The following RNF111 variants were observed in gnomAD, a reference collection of about 807,000 sequenced individuals.
The protein encoded by RNF111 is ring finger protein 111.
In RNF111, 17 loss-of-function variants were observed where a neutral mutation model predicts 95.1. That is an observed-to-expected ratio of 0.18 (90% CI 0.12 to 0.27). RNF111 has a LOEUF of 0.27. Among genes scored for constraint, RNF111 ranks in the 10% least tolerant of loss-of-function variants. The probability of loss-of-function intolerance (pLI) is 1.00; values close to 1 mark genes in which losing one functional copy is unlikely to be tolerated. For synonymous variants in RNF111, 440 were observed against 414.8 expected, an observed-to-expected ratio of 1.06 and a Z score of -0.74; for missense variants, 1,189 against 1,210.4, an observed-to-expected ratio of 0.98 and a Z score of 0.26.
chr15:59,031,012 T>C lies in RNF111; in HGVS notation c.190T>C (p.Phe64Leu). 3 of 1,614,210 alleles carry C rather than the reference T, an allele frequency of 1.9e-6. No homozygotes were observed. The highest frequency in any genetic ancestry group is 1.1e-5 in the South Asian group (1 of 91,082). ...GATTAATAGTAAAGTGGGGAATGAATTCTCTCACCTGTGTGATGATTCTCA... is the reference window on the plus strand; with the variant it reads ...GATTAATAGTAAAGTGGGGAATGAACTCTCTCACCTGTGTGATGATTCTCA... Reference protein sequence around the residue: ...EMINSKVGNEFSHLCDDSQKQ... With the variant: ...EMINSKVGNELSHLCDDSQKQ... The change falls in exon 2 of 14, where the codon TTC becomes CTC. Residue 64 changes from phenylalanine to leucine, a missense_variant. This residue lies in a region of RNF111 where 1,024 missense variants were observed against 925.9 expected (regional missense o/e 1.11). Transcript: ENST00000348370.
At chr15:59,037,628 G>A (rs1320751297) in intron 2 of RNF111, among the ~76,000 whole-genome samples, 1 of 152,156 alleles carries the variant, frequency 6.6e-6, no homozygotes, top group African/African-American at 2.4e-5. Context: ...CCTGAGGTCT[G>A]GAGTTCGAGA....
At chr15:59,007,351 T>G (rs763430918) in intron 1 of RNF111, among the ~76,000 whole-genome samples, 3 of 152,136 alleles carry the variant, frequency 2.0e-5, no homozygotes, top group Non-Finnish European at 4.4e-5. Context: ...TTGTGTCTAG[T>G]TTTCCCTTAG....
chr15:58,989,307 T>G (rs1280746701), intron 1 of RNF111, among the ~76,000 whole-genome samples: 1 of 152,222 alleles, frequency 6.6e-6, no homozygotes, highest in Non-Finnish European at 1.5e-5. Flanking sequence ...TTAAATTGAT[T>G]GTTTCTAAAG....
At chr15:59,051,353 G>T (rs1032593857) in intron 2 of RNF111, among the ~76,000 whole-genome samples, 21 of 151,858 alleles carry the variant, frequency 1.4e-4, no homozygotes, top group African/African-American at 4.6e-4. Context: ...AGCTACTCGG[G>T]AGGCTGAGGC....
At chr15:59,093,506 C>T (rs1314938320) in intron 13 of RNF111, 9 of 387,576 alleles carry the variant, frequency 2.3e-5, no homozygotes, top group Middle Eastern at 3.6e-4. Flanking sequence ...CCACTGCACT[C>T]GGCTATAGCA....
chr15:59,033,387 T>C (rs577479533), intron 2 of RNF111, among the ~76,000 whole-genome samples: 14 of 152,360 alleles, frequency 9.2e-5, no homozygotes, highest in African/African-American at 3.1e-4. Context: ...AGATCAGTTT[T>C]ACCTACACAA....
intron 2 of RNF111, among the ~76,000 whole-genome samples, chr15:59,046,868 T>G (rs929956252): frequency 3.9e-5 from 6 of 152,144 alleles, no homozygotes; most frequent in Non-Finnish European, 5.9e-5. Flanking sequence ...TCTTTATTTT[T>G]TATTATTATT....
At position 59,011,844 on chromosome 15, in the gene RNF111, G is replaced by C. The variant is rs1369078879; in HGVS notation, c.-19-18960G>C. ...TATGAATTTTGGGGAACACAAAGAA[G>C]TTCATAGCACATTGAAACTGACACT... On this transcript the variant is annotated intron_variant, in intron 1 of 13. Coordinates refer to ENST00000348370, the MANE Select transcript of RNF111 (RefSeq NM_017610.8). Among the ~76,000 whole-genome samples, 6 of 151,998 alleles carry C rather than the reference G, an allele frequency of 3.9e-5. No individual in the cohort carries two copies. The East Asian group carries it at 1.2e-3, about 29-fold the overall frequency.
At position 59,094,959 on chromosome 15, in the gene RNF111, C is replaced by A; in HGVS notation, c.*59C>A. On this transcript the variant is annotated 3_prime_UTR_variant, in exon 14 of 14. Coordinates refer to ENST00000348370, the MANE Select transcript of RNF111 (RefSeq NM_017610.8). ...TTCCCATCCTTCCTGGTACTGCAGT[C>A]AACCAAAGATGGCATGACTTACCTG... 9.9e-7 allele frequency: 1 copy of A among 1,009,582 alleles called. No individual in the cohort carries two copies. The highest frequency in any genetic ancestry group is 1.3e-5 in the South Asian group (1 of 77,982). 62.5% of individuals were successfully genotyped at this position (1,009,582 alleles called of 1,614,324 possible).
intron 1 of RNF111, among the ~76,000 whole-genome samples, chr15:59,021,593 C>T (rs182868168): frequency 8.5e-4 from 129 of 152,230 alleles, no homozygotes; most frequent in South Asian, 2.5e-3. Context: ...GTTAGGTACT[C>T]TCATTTAACC....
chr15:59,015,203 A>G (rs2040010217), intron 1 of RNF111, among the ~76,000 whole-genome samples: 1 of 152,246 alleles, frequency 6.6e-6, no homozygotes, highest in Non-Finnish European at 1.5e-5. Flanking sequence ...GAAATAAAGA[A>G]TAAAAATAAA....
intron 3 of RNF111, 99 bp downstream of exon 3, chr15:59,052,530 T>A (rs1360476405): frequency 1.0e-6 from 1 of 991,702 alleles, no homozygotes; most frequent in African/African-American, 1.7e-5. Context: ...TTATTTATTT[T>A]TGAGACCCAG....
chr15:59,017,512 A>G (rs183260540), intron 1 of RNF111, among the ~76,000 whole-genome samples: 1 of 152,150 alleles, frequency 6.6e-6, no homozygotes, highest in Non-Finnish European at 1.5e-5. Context: ...AAAAACATCA[A>G]TTGTCTTTAG....
intron 6 of RNF111, among the ~76,000 whole-genome samples, chr15:59,070,602 A>G (rs191531884): frequency 7.9e-5 from 12 of 152,344 alleles, no homozygotes; most frequent in African/African-American, 1.9e-4. Context: ...AAGAACAGAC[A>G]TATACTTGAT....
At chr15:59,025,941 G>T (rs1162817484) in intron 1 of RNF111, among the ~76,000 whole-genome samples, 1 of 151,914 alleles carries the variant, frequency 6.6e-6, no homozygotes, top group African/African-American at 2.4e-5. Flanking sequence ...TGTTGGTCAG[G>T]CTGGTCTCGA....
At chr15:58,988,817 C>T (rs543390705) in intron 1 of RNF111, among the ~76,000 whole-genome samples, 1 of 152,214 alleles carries the variant, frequency 6.6e-6, no homozygotes, top group African/African-American at 2.4e-5. Context: ...TTGTTGTAAG[C>T]TTTCCTGTTT....
intron 1 of RNF111, among the ~76,000 whole-genome samples, chr15:59,009,074 C>T (rs1253115284): frequency 6.6e-6 from 1 of 152,068 alleles, no homozygotes; most frequent in African/African-American, 2.4e-5. Flanking sequence ...ATTCTCTTGC[C>T]TCAGCCTCCC....
At chr15:59,041,961 ATTTTTTT>A (rs79347638) in intron 2 of RNF111, among the ~76,000 whole-genome samples, 1 of 100,106 alleles carries the variant, frequency 1.0e-5, no homozygotes, top group Non-Finnish European at 2.0e-5. Flanking sequence ...GTCTGTTCAT[ATTTTTTT>A]TTTTTTTTTT....
intron 2 of RNF111, among the ~76,000 whole-genome samples, chr15:59,052,084 G>C (rs530274875): frequency 6.6e-6 from 1 of 152,232 alleles, no homozygotes; most frequent in South Asian, 2.1e-4. Flanking sequence ...ATCCATAGAA[G>C]AGGAAGTAAA....
Sources: gnomAD v4.1 joint callset for allele counts (sites outside exome capture counted in the v4.1 genomes callset) on GRCh38, gnomAD v4.1.1 for gene constraint, gnomAD v4.1.1 regional missense constraint, MANE v1.5 for transcripts, NCBI Gene and HGNC (gene_info 2026-07-23, HGNC 2026-07-21) for gene names.